CTNNA1: variants seen among roughly 807,000 people sequenced by gnomAD.
CTNNA1 encodes catenin alpha 1, also known as catenin alpha-1.
A neutral mutation model predicts 98.4 loss-of-function variants in CTNNA1; 37 were observed. The ratio of observed to expected loss-of-function variants is 0.38; its 90% CI spans 0.29 to 0.49. The LOEUF (loss-of-function observed/expected upper bound fraction) is 0.49. CTNNA1 is among the 20% of genes least tolerant of loss of function. CTNNA1 has a pLI of 0.95. For missense variants in CTNNA1, 761 were observed against 1,147.2 expected (o/e 0.66, Z 4.86); for synonymous variants, 404 against 413.2 (o/e 0.98, Z 0.27).
At position 138,873,462 on chromosome 5, in the gene CTNNA1, C is replaced by T; in HGVS notation, c.1063-12750C>T. Reference sequence around the variant, plus strand: ...CTATAAGTTGTAGCCATGACAGTGACAGTGGTTGACAAATTCCAGCAGAGC... The same window carrying T: ...CTATAAGTTGTAGCCATGACAGTGATAGTGGTTGACAAATTCCAGCAGAGC... On this transcript the variant is annotated intron_variant, in intron 7 of 17. Coordinates refer to ENST00000302763, the MANE Select transcript of CTNNA1 (RefSeq NM_001903.5). The surrounding 1 kb of genome is among the most constrained non-coding windows in gnomAD (Gnocchi z 6.1). The T allele has an allele frequency of 6.2e-7, 1 of 1,613,982 alleles. No individual in the cohort carries two copies.
chr5:138,851,117 G>A (rs1335798183), intron 7 of CTNNA1, among the ~76,000 whole-genome samples: 1 of 152,200 alleles, frequency 6.6e-6, no homozygotes. Flanking sequence ...ATATTCCTGG[G>A]AAGTTGAGGT....
intron 7 of CTNNA1, chr5:138,872,755 C>A: frequency 2.7e-6 from 1 of 364,844 alleles, no homozygotes; most frequent in Non-Finnish European, 4.9e-6. Flanking sequence ...TAATTACATA[C>A]ATTTCTTATT....
intron 3 of CTNNA1, among the ~76,000 whole-genome samples, chr5:138,803,112 A>G (rs573282262): frequency 3.3e-5 from 5 of 151,888 alleles, no homozygotes; most frequent in Non-Finnish European, 7.4e-5. Context: ...AAAGTAGAAA[A>G]TAATTCCTTT....
At chr5:138,902,874 A>G (rs1758372378) in intron 9 of CTNNA1, among the ~76,000 whole-genome samples, 1 of 152,208 alleles carries the variant, frequency 6.6e-6, no homozygotes, top group Non-Finnish European at 1.5e-5. Flanking sequence ...TTCTCCTTCA[A>G]TGAATATTTG....
chr5:138,888,404 G>A (rs888066032), intron 9 of CTNNA1, among the ~76,000 whole-genome samples: 10 of 152,206 alleles, frequency 6.6e-5, no homozygotes, highest in Non-Finnish European at 1.3e-4. Flanking sequence ...TAATCTTAAT[G>A]CAGAACATCT....
At chr5:138,794,425 T>G (rs1756712071) in intron 3 of CTNNA1, among the ~76,000 whole-genome samples, 1 of 152,268 alleles carries the variant, frequency 6.6e-6, no homozygotes. Context: ...CTTTGAGTTA[T>G]TCTCAGTTTA....
chr5:138,768,631 G>A (rs1753198834), intron 1 of CTNNA1, among the ~76,000 whole-genome samples: 2 of 132,964 alleles, frequency 1.5e-5, no homozygotes, highest in Admixed American at 9.0e-5. Context: ...GTGGCTGTTT[G>A]CAGGCACAAT....
At chr5:138,797,045 C>G (rs1757059572) in intron 3 of CTNNA1, among the ~76,000 whole-genome samples, 3 of 152,250 alleles carry the variant, frequency 2.0e-5, no homozygotes, top group Admixed American at 6.5e-5. Flanking sequence ...GATAAAACCC[C>G]TCTAGTTAGC....
intron 3 of CTNNA1, among the ~76,000 whole-genome samples, chr5:138,801,728 T>C (rs1332868999): frequency 6.6e-6 from 1 of 152,166 alleles, no homozygotes; most frequent in African/African-American, 2.4e-5. Flanking sequence ...TAAACCCACA[T>C]GAACTACTTG....
At chr5:138,782,095 T>TA in intron 2 of CTNNA1, 66 bp downstream of exon 2, 1 of 1,470,274 alleles carries the variant, frequency 6.8e-7, no homozygotes, top group South Asian at 1.2e-5. Context: ...GTAACAACCA[T>TA]AAGAGCAAGG....
chr5:138,816,493 C>T (rs753730105), intron 5 of CTNNA1, among the ~76,000 whole-genome samples: 4 of 152,188 alleles, frequency 2.6e-5, no homozygotes, highest in Non-Finnish European at 4.4e-5. Context: ...TTCCCACCAT[C>T]AGTGTATAAG....
intron 10 of CTNNA1, among the ~76,000 whole-genome samples, chr5:138,907,536 C>T (rs1284973503): frequency 6.6e-6 from 1 of 152,152 alleles, no homozygotes; most frequent in African/African-American, 2.4e-5. Context: ...AGGAAGAGGG[C>T]CTTGATTGTG....
intron 10 of CTNNA1, among the ~76,000 whole-genome samples, chr5:138,913,603 A>C (rs1260148538): frequency 6.6e-6 from 1 of 151,278 alleles, no homozygotes; most frequent in Non-Finnish European, 1.5e-5. Flanking sequence ...AAAAAAATTC[A>C]GTTGATGTAC....
intron 3 of CTNNA1, among the ~76,000 whole-genome samples, chr5:138,795,759 T>C (rs1483786819): frequency 1.3e-5 from 2 of 152,184 alleles, no homozygotes; most frequent in African/African-American, 2.4e-5. Context: ...CTCTTTTTTT[T>C]TTCTTCCTCT....
At chr5:138,898,948 A>T (rs1757469568) in intron 9 of CTNNA1, among the ~76,000 whole-genome samples, 1 of 152,198 alleles carries the variant, frequency 6.6e-6, no homozygotes, top group South Asian at 2.1e-4. Context: ...TTTTCAGTAG[A>T]GTTTAAGTCA....
chr5:138,887,434 C>A, intron 8 of CTNNA1, 56 bp from the exon 9 acceptor site: 2 of 1,314,836 alleles, frequency 1.5e-6, no homozygotes, highest in Non-Finnish European at 2.1e-6. Flanking sequence ...AAAAAGCAAT[C>A]TATTTAATAC....
At chr5:138,852,018 C>T (rs1165621303) in intron 7 of CTNNA1, among the ~76,000 whole-genome samples, 1 of 151,920 alleles carries the variant, frequency 6.6e-6, no homozygotes, top group Non-Finnish European at 1.5e-5. Context: ...TGCAGTGAGC[C>T]GAGATCGCAA....
At chr5:138,921,042 G>A (rs1030803942) in intron 11 of CTNNA1, among the ~76,000 whole-genome samples, 24 of 152,154 alleles carry the variant, frequency 1.6e-4, no homozygotes, top group African/African-American at 5.3e-4. Context: ...CCAGGGAGGA[G>A]GGGTAGGGTC....
intron 1 of CTNNA1, among the ~76,000 whole-genome samples, chr5:138,780,300 C>T (rs556868101): frequency 2.3e-4 from 35 of 151,674 alleles, no homozygotes; most frequent in South Asian, 4.1e-4. Flanking sequence ...CGCCATTTTC[C>T]TGCCTCAGCC....
Sources: gnomAD v4.1 joint callset for allele counts (sites outside exome capture counted in the v4.1 genomes callset) on GRCh38, gnomAD v4.1.1 for gene constraint, Gnocchi (gnomAD v3.1) non-coding constraint, MANE v1.5 for transcripts, NCBI Gene and HGNC (gene_info 2026-07-23, HGNC 2026-07-21) for gene names.